Variants in TMEM52B observed in about 807,000 individuals in gnomAD.
The protein encoded by TMEM52B is chromosome 12 open reading frame 59.
A neutral mutation model predicts 16.1 loss-of-function variants in TMEM52B; 11 were observed. That is an observed-to-expected ratio of 0.68 (90% CI 0.43 to 1.13). TMEM52B has a LOEUF of 1.13. Among genes scored for constraint, TMEM52B ranks in the 50% most tolerant of loss-of-function variants. The pLI, the probability that TMEM52B is intolerant of heterozygous loss-of-function variation, is 0.00. For missense variants in TMEM52B, 243 were observed against 230.4 expected, an observed-to-expected ratio of 1.05 and a Z score of -0.35; for synonymous variants, 101 against 93.8, an observed-to-expected ratio of 1.08 and a Z score of -0.45.
In TMEM52B at chr12:10,190,108, G is replaced by A. The variant is rs748971153; in HGVS notation, c.520G>A (p.Glu174Lys). The A allele has an allele frequency of 1.2e-6, 2 of 1,614,148 alleles. No homozygotes were observed. The highest frequency in any genetic ancestry group is 8.5e-7 in the Non-Finnish European group (1 of 1,180,022). The change falls in exon 5 of 5, where the codon GAG (glutamate) becomes AAG (lysine). Residue 174 changes from glutamate (E) to lysine (K), a missense_variant. Coordinates refer to ENST00000543484, the MANE Select transcript of TMEM52B (RefSeq NM_001384896.1). ...AAAGCAGCTGCCTCCAACAGAGAAG[G>A]AGTCGACTCGAATAGTTGACTCTTG... ...EEKQLPPTEK[E>K]STRIVDSWN is the part of the protein sequence containing the mutation.
chr12:10,188,506 AAGG>A (rs1565428763), intron 4 of TMEM52B, among the ~76,000 whole-genome samples: 130 of 113,296 alleles, frequency 1.1e-3, no homozygotes, highest in African/African-American at 2.9e-3. Context: ...GGAAGGAAGG[AAGG>A]AAGGAAGGAA....
At chr12:10,180,898 T>G (rs1591989002) in intron 1 of TMEM52B, among the ~76,000 whole-genome samples, 1 of 152,026 alleles carries the variant, frequency 6.6e-6, no homozygotes, top group Non-Finnish European at 1.5e-5. Context: ...CTCCGCCTCC[T>G]GGGTTCAAGC....
chr12:10,190,345 A>G lies in TMEM52B; in HGVS notation c.*205A>G. The G allele has an allele frequency of 1.6e-6, 1 of 617,598 alleles. No homozygotes were observed. The highest frequency in any genetic ancestry group is 2.0e-5 in the South Asian group (1 of 49,264). 38.3% of individuals were successfully genotyped at this position (617,598 alleles called of 1,614,324 possible). ...AATTGGGAACTCTAATTTTGTATCC[A>G]ATGGCCAAAATCTGCAAGTAATCTC... is the stretch of plus-strand genomic sequence containing the variant. On this transcript the variant is annotated 3_prime_UTR_variant, in exon 5 of 5. Coordinates refer to ENST00000543484, the MANE Select transcript of TMEM52B (RefSeq NM_001384896.1).
intron 2 of TMEM52B, among the ~76,000 whole-genome samples, chr12:10,183,714 C>T (rs765750209): frequency 6.6e-5 from 10 of 151,876 alleles, no homozygotes; most frequent in Non-Finnish European, 7.4e-5. Flanking sequence ...GAACTCAGAA[C>T]ATTATTTAGC....
upstream of TMEM52B, among the ~76,000 whole-genome samples, chr12:10,175,909 C>G (rs148504444): frequency 2.5e-3 from 376 of 152,284 alleles, 1 homozygote; most frequent in African/African-American, 8.2e-3. Flanking sequence ...TCAGTGGAAC[C>G]AGAAGTAAGC....
chr12:10,179,878 T>C (rs1287343708), intron 1 of TMEM52B, among the ~76,000 whole-genome samples: 2 of 152,220 alleles, frequency 1.3e-5, no homozygotes, highest in Admixed American at 6.5e-5. Flanking sequence ...AGGATTGCCG[T>C]GGCACTTTAG....
At chr12:10,189,823 G>C in intron 4 of TMEM52B, 73 bp from the exon 5 acceptor site, 1 of 1,564,864 alleles carries the variant, frequency 6.4e-7, no homozygotes. Flanking sequence ...AGTTAAGTGT[G>C]AAGTAAGTCT....
chr12:10,185,134 A>G (rs1315803195), intron 2 of TMEM52B, among the ~76,000 whole-genome samples, 196 bp from the exon 3 acceptor site: 4 of 152,266 alleles, frequency 2.6e-5, no homozygotes, highest in African/African-American at 9.6e-5. Flanking sequence ...AATGCCATCT[A>G]TAGTATAAAG....
At chr12:10,177,496 A>G (rs969944338), upstream of TMEM52B, among the ~76,000 whole-genome samples, 1 of 152,144 alleles carries the variant, frequency 6.6e-6, no homozygotes, top group African/African-American at 2.4e-5. Context: ...TGAGCTAGAA[A>G]GGTCCTGAAA....
chr12:10,176,007 G>T (rs1418441959), upstream of TMEM52B, among the ~76,000 whole-genome samples: 1 of 152,182 alleles, frequency 6.6e-6, no homozygotes, highest in Non-Finnish European at 1.5e-5. Flanking sequence ...ACCCTCTACT[G>T]GTTCCACTCC....
chr12:10,170,666 A>G (rs758365899), exon 1 of TMEM52B: 9 of 151,838 alleles, frequency 5.9e-5, no homozygotes, highest in Non-Finnish European at 1.2e-4. Context: ...TAAATTTTGT[A>G]TTTTTAGTAC....
In TMEM52B at chr12:10,182,575, A is replaced by T. The variant is rs1347734145; in HGVS notation, c.80A>T (p.Asn27Ile). ...CTTTCTGGGACGAGATGTGAGGAAA[A>T]CTGTGGTAATCCTGAACAGTAAGTA... ...ILLSGTRCEENCGNPEHCLTT... is the reference protein window; with the variant it reads ...ILLSGTRCEEICGNPEHCLTT... Residue 27 changes from asparagine (N) to isoleucine (I), a missense_variant, in exon 2 of 5, where the codon AAC (asparagine) becomes ATC (isoleucine). Physicochemically the swap from Asn to Ile is moderately radical, Grantham distance 149. Coordinates refer to ENST00000543484, the MANE Select transcript of TMEM52B (RefSeq NM_001384896.1). 6.5e-7 allele frequency: 1 copy of T among 1,535,572 alleles called. No homozygotes were observed. The highest frequency in any genetic ancestry group is 8.7e-7 in the Non-Finnish European group (1 of 1,146,490).
intron 2 of TMEM52B, among the ~76,000 whole-genome samples, chr12:10,183,405 G>A (rs745362186): frequency 9.9e-5 from 15 of 151,898 alleles, no homozygotes; most frequent in Middle Eastern, 3.4e-3. Context: ...ATTAGAACTA[G>A]AAGAGTTTTC....
At chr12:10,178,535 A>G (rs1948786583), upstream of TMEM52B, among the ~76,000 whole-genome samples, 1 of 151,786 alleles carries the variant, frequency 6.6e-6, no homozygotes, top group African/African-American at 2.4e-5. Flanking sequence ...AAAAAAAAAA[A>G]AAAAAAGTAT....
At chr12:10,172,030 A>G (rs1478020100) in intron 1 of TMEM52B, 7 of 1,613,786 alleles carry the variant, frequency 4.3e-6, no homozygotes, top group East Asian at 2.2e-5. Context: ...TTGACTTCTC[A>G]TCAGGCTGGT....
rs780499200 is a variant in TMEM52B, at chr12:10,186,573, C to G, written c.291C>G (p.Leu97=). The change falls in exon 4 of 5, where the codon CTC becomes CTG. Residue 97 remains leucine, a synonymous_variant. Transcript: ENST00000543484. The part of the protein sequence containing the change: ...TVIAFDHDST[L]QSTITSLQSV... ...TTGCTTTCGATCACGACAGCACTCTCCAGAGCACTATCACATGTGAGTACA... is the reference window on the plus strand; with the variant it reads ...TTGCTTTCGATCACGACAGCACTCTGCAGAGCACTATCACATGTGAGTACA... 1.3e-6 allele frequency: 2 copies of G among 1,593,246 alleles called. No individual in the cohort carries two copies. The highest frequency in any genetic ancestry group is 1.7e-6 in the Non-Finnish European group (2 of 1,165,496).
chr12:10,188,541 A>G (rs866229505), intron 4 of TMEM52B, among the ~76,000 whole-genome samples: 58 of 24,464 alleles, frequency 2.4e-3, no homozygotes, highest in South Asian at 6.5e-3. Context: ...AGGAAGGAAA[A>G]GAAGAAAAAG....
intron 1 of TMEM52B, chr12:10,182,310 T>C: frequency 1.0e-6 from 1 of 985,308 alleles, no homozygotes; most frequent in Non-Finnish European, 1.2e-6. Context: ...CAAAGGGTGA[T>C]GCTCACCCAC....
chr12:10,176,208 G>GC (rs1385090806), upstream of TMEM52B, among the ~76,000 whole-genome samples: 1 of 152,118 alleles, frequency 6.6e-6, no homozygotes, highest in Admixed American at 6.5e-5. Flanking sequence ...CTATATGGAG[G>GC]CTTGGTTAGG....
Sources: allele counts gnomAD v4.1 joint callset (sites outside exome capture counted in the v4.1 genomes callset), GRCh38; gene constraint gnomAD v4.1.1; transcripts MANE v1.5; gene names NCBI Gene and HGNC (gene_info 2026-07-23, HGNC 2026-07-21).